MAGI2: variants seen among roughly 807,000 people sequenced by gnomAD.
MAGI2 encodes membrane associated guanylate kinase, WW and PDZ domain containing 2.
Under a neutral mutation model 133.3 loss-of-function variants are expected in MAGI2, and 35 were observed. The ratio of observed to expected loss-of-function variants is 0.26; its 90% confidence interval spans 0.20 to 0.35. MAGI2 has a LOEUF of 0.35. MAGI2 is among the 10% of genes least tolerant of loss of function. The pLI is 1.00. For synonymous variants in MAGI2, 729 were observed against 710.6 expected (o/e 1.03, Z -0.41); for missense variants, 1,636 against 1,863.4 (o/e 0.88, Z 2.25).
chr7:78,335,377 C>T (rs1357925301), intron 9 of MAGI2, among the ~76,000 whole-genome samples: 1 of 152,134 alleles, frequency 6.6e-6, no homozygotes, highest in Non-Finnish European at 1.5e-5. Flanking sequence ...AAGAAAATGC[C>T]CCAGAGAACA....
intron 2 of MAGI2, among the ~76,000 whole-genome samples, chr7:78,890,763 T>C (rs1254082007): frequency 6.6e-6 from 1 of 152,010 alleles, no homozygotes. Context: ...TAAATTCCCA[T>C]AAGAGAAAGC....
intron 11 of MAGI2, among the ~76,000 whole-genome samples, chr7:78,199,326 A>C (rs911623911): frequency 2.0e-5 from 3 of 152,232 alleles, no homozygotes; most frequent in Non-Finnish European, 4.4e-5. Flanking sequence ...CATTTCATAC[A>C]GTGACTTGGT....
chr7:78,898,869 T>A (rs1180249997), intron 2 of MAGI2, among the ~76,000 whole-genome samples: 1 of 152,218 alleles, frequency 6.6e-6, no homozygotes, highest in Non-Finnish European at 1.5e-5. Context: ...ATTTCCCTTC[T>A]ATTTTTACTC....
intron 2 of MAGI2, among the ~76,000 whole-genome samples, chr7:78,812,705 C>G (rs1301693257): frequency 6.6e-6 from 1 of 151,954 alleles, no homozygotes; most frequent in Non-Finnish European, 1.5e-5. Flanking sequence ...TGTTCTAGCT[C>G]TATTCTACTA....
At chr7:78,905,449 T>C (rs926144302) in intron 2 of MAGI2, among the ~76,000 whole-genome samples, 1 of 152,204 alleles carries the variant, frequency 6.6e-6, no homozygotes, top group African/African-American at 2.4e-5. Flanking sequence ...TCTATACCTC[T>C]GTCTTATAAG....
chr7:78,963,379 C>A (rs932360276), intron 2 of MAGI2, among the ~76,000 whole-genome samples: 6 of 152,042 alleles, frequency 3.9e-5, no homozygotes, highest in Admixed American at 3.3e-4. Context: ...GTAGTATTGT[C>A]TTAGGGTACT....
chr7:78,523,143 A>C (rs748759157), intron 3 of MAGI2, among the ~76,000 whole-genome samples: 1 of 152,194 alleles, frequency 6.6e-6, no homozygotes, highest in East Asian at 1.9e-4. Flanking sequence ...GAAGACATAG[A>C]ATTTAGGCTT....
At chr7:78,945,660 AT>A (rs887177408) in intron 2 of MAGI2, among the ~76,000 whole-genome samples, 34 of 151,194 alleles carry the variant, frequency 2.2e-4, no homozygotes, top group African/African-American at 6.5e-4. Context: ...AACTCTAGCA[AT>A]TTTTTTTTGC....
intron 3 of MAGI2, among the ~76,000 whole-genome samples, chr7:78,565,272 G>T (rs963962006): frequency 1.3e-5 from 2 of 151,818 alleles, no homozygotes; most frequent in Non-Finnish European, 2.9e-5. Flanking sequence ...GACCAGCCTG[G>T]GCAAAATAGC....
chr7:79,036,126 A>G (rs1279333024), intron 1 of MAGI2, among the ~76,000 whole-genome samples: 1 of 152,222 alleles, frequency 6.6e-6, no homozygotes, highest in Admixed American at 6.5e-5. Flanking sequence ...CAGCCCAGTA[A>G]GTTAGGATGA....
At chr7:78,980,141 G>T (rs1304488821) in intron 2 of MAGI2, among the ~76,000 whole-genome samples, 2 of 151,618 alleles carry the variant, frequency 1.3e-5, no homozygotes, top group African/African-American at 4.8e-5. Context: ...ATCATCCCAG[G>T]CAGGTTAGGA....
At chr7:78,518,290 T>A (rs1284560306) in intron 4 of MAGI2, 1 of 152,186 alleles carries the variant, frequency 6.6e-6, no homozygotes, top group Non-Finnish European at 1.5e-5. Flanking sequence ...TGTTTATATA[T>A]CACTAAGAAA....
At chr7:78,520,302 G>A (rs1203150612) in intron 4 of MAGI2, among the ~76,000 whole-genome samples, 1 of 152,004 alleles carries the variant, frequency 6.6e-6, no homozygotes, top group Non-Finnish European at 1.5e-5. Flanking sequence ...GAAAAAGGAA[G>A]ATAAAAAGTA....
intron 4 of MAGI2, among the ~76,000 whole-genome samples, chr7:78,515,932 A>G (rs1796003483): frequency 6.6e-6 from 1 of 152,090 alleles, no homozygotes; most frequent in South Asian, 2.1e-4. Flanking sequence ...AATAATGTTT[A>G]CAATATATAT....
intron 3 of MAGI2, among the ~76,000 whole-genome samples, chr7:78,593,077 T>G (rs1804203330): frequency 6.6e-6 from 1 of 151,454 alleles, no homozygotes; most frequent in African/African-American, 2.4e-5. Flanking sequence ...AAGCCTAGCC[T>G]CCCAAATTGC....
chr7:78,613,859 G>A (rs540031584), intron 3 of MAGI2, among the ~76,000 whole-genome samples: 75 of 152,010 alleles, frequency 4.9e-4, no homozygotes, highest in Non-Finnish European at 1.0e-3. Context: ...CTGTAATCCC[G>A]GCACTTTGGG....
chr7:78,432,065 A>C (rs1005366849), intron 6 of MAGI2, among the ~76,000 whole-genome samples: 1 of 152,046 alleles, frequency 6.6e-6, no homozygotes, highest in African/African-American at 2.4e-5. Context: ...ATTGATTTTT[A>C]AAAATCAGGT....
chr7:78,985,566 T>C (rs1237986614), intron 2 of MAGI2, among the ~76,000 whole-genome samples: 2 of 151,450 alleles, frequency 1.3e-5, no homozygotes, highest in African/African-American at 4.9e-5. Context: ...GGGAAGATTA[T>C]CGCCATAACT....
Position 79,355,970 on chromosome 7 carries a change from C to A in MAGI2, c.301+97050G>T, listed in dbSNP as rs577212623. Among the ~76,000 whole-genome samples the A allele has an allele frequency of 3.9e-3, 591 of 152,140 alleles. 1 individual carries two copies. The highest frequency in any genetic ancestry group is 6.9e-3 in the Middle Eastern group (2 of 290). On this transcript the variant is annotated intron_variant, in intron 1 of 21. Transcript: ENST00000354212. ...GCCATATAGAAGCATATTAACATGT[C>A]ATTTTAAAATTAAATTCTTTGTAGC...
Sources: gnomAD v4.1 joint callset for allele counts (sites outside exome capture counted in the v4.1 genomes callset) on GRCh38, gnomAD v4.1.1 for gene constraint, MANE v1.5 for transcripts, NCBI Gene and HGNC (gene_info 2026-07-23, HGNC 2026-07-21) for gene names.